The following USP53 variants were observed in gnomAD, a reference collection of about 807,000 sequenced individuals.
USP53 encodes ubiquitin carboxyl-terminal hydrolase 53.
A neutral mutation model predicts 94.9 loss-of-function variants in USP53; 71 were observed. That is an observed-to-expected ratio of 0.75 (90% CI 0.62 to 0.91). The LOEUF (loss-of-function observed/expected upper bound fraction) is 0.91, where lower values mean the gene tolerates loss of function less well. Among genes scored for constraint, USP53 ranks in the 40% least tolerant of loss-of-function variants. The pLI is 0.00. For missense variants in USP53, 1,173 were observed against 1,281.0 expected (o/e 0.92, Z 1.29); for synonymous variants, 375 against 422.7 (o/e 0.89, Z 1.39).
intron 1 of USP53, among the ~76,000 whole-genome samples, chr4:119,213,570 T>C (rs1009281796): frequency 4.0e-5 from 6 of 150,960 alleles, no homozygotes; most frequent in Non-Finnish European, 5.9e-5. Context: ...GTTTTCTTTA[T>C]CAATGCAAAG....
rs141773781 is a variant in USP53, at chr4:119,270,877, C to G, written c.1436-419C>G. Among the ~76,000 whole-genome samples the G allele has an allele frequency of 9.6e-3, 1,457 of 152,182 alleles. 28 individuals are homozygous for G. Among genetic ancestry groups the G allele is most frequent in the African/African-American group, 0.034 (1,391 of 41,508 alleles). ...AATTTTGACAGATGTGGCTCAGTTG[C>G]CCTCTTGAAAGACTGAACTAGTCTG... On this transcript the variant is annotated intron_variant, in intron 15 of 18. Transcript: ENST00000692078.
chr4:119,286,857 A>G (rs767813548), intron 17 of USP53, among the ~76,000 whole-genome samples: 1 of 152,044 alleles, frequency 6.6e-6, no homozygotes, highest in Non-Finnish European at 1.5e-5. Context: ...ATAGCTGTTG[A>G]AAAGATTGGC....
intron 17 of USP53, among the ~76,000 whole-genome samples, chr4:119,279,567 C>G (rs1488891743): frequency 1.2e-4 from 18 of 151,122 alleles, no homozygotes; most frequent in African/African-American, 4.1e-4. Context: ...TGTCTGTGCC[C>G]TGCCCCCAGA....
intron 7 of USP53, among the ~76,000 whole-genome samples, chr4:119,251,067 C>A (rs768890538): frequency 6.6e-6 from 1 of 151,636 alleles, no homozygotes; most frequent in African/African-American, 2.4e-5. Context: ...CCCCCCACCC[C>A]CCACAGGCCT....
intron 18 of USP53, among the ~76,000 whole-genome samples, chr4:119,292,109 G>T (rs1478028887): frequency 6.6e-6 from 1 of 151,676 alleles, no homozygotes; most frequent in African/African-American, 2.4e-5. Flanking sequence ...TTCTGGTAAT[G>T]ATGGGTGTTT....
Position 119,217,546 on chromosome 4 carries a change from C to T in USP53, c.-788-4C>T, listed in dbSNP as rs1743968594. On this transcript the variant is annotated splice_region_variant and splice_polypyrimidine_tract_variant and intron_variant, in intron 2 of 18. Coordinates refer to ENST00000692078, the MANE Select transcript of USP53 (RefSeq NM_001371395.1). Reference sequence around the variant, plus strand: ...ACTTAACCATGCACTGTGTTCTGTTCTAGATGCTTGGGATTTGCTTTACAT... The same window carrying T: ...ACTTAACCATGCACTGTGTTCTGTTTTAGATGCTTGGGATTTGCTTTACAT... 6.6e-6 allele frequency: 1 copy of T among 152,130 alleles called. No individual in the cohort carries two copies. The highest frequency in any genetic ancestry group is 1.5e-5 in the Non-Finnish European group (1 of 68,036). 9.4% of individuals were successfully genotyped at this position (152,130 alleles called of 1,614,324 possible).
intron 17 of USP53, among the ~76,000 whole-genome samples, chr4:119,288,659 G>A (rs758425768): frequency 2.5e-4 from 38 of 152,100 alleles, no homozygotes; most frequent in Admixed American, 3.9e-4. Flanking sequence ...GTTTGCAGCC[G>A]GGCACGGTGG....
intron 17 of USP53, among the ~76,000 whole-genome samples, chr4:119,287,301 C>T (rs1056622960): frequency 2.0e-5 from 3 of 151,946 alleles, no homozygotes; most frequent in East Asian, 1.9e-4. Context: ...ATTTATAGTT[C>T]CTCTCATTCT....
chr4:119,271,276 C>A lies in USP53; in HGVS notation c.1436-20C>A, dbSNP rs759522802. ...GCTCTGAGGAGTAATTCATGTGTAT[C>A]TTTAATTTTTTTTTTTAAGATTTGG... On this transcript the variant is annotated intron_variant, in intron 15 of 18. Transcript: ENST00000692078. 1 of 1,526,832 alleles carries A rather than the reference C, an allele frequency of 6.5e-7. No homozygotes were observed. Among genetic ancestry groups the A allele is most frequent in the Non-Finnish European group, 8.7e-7 (1 of 1,143,312 alleles). The allele number at this position is 1,526,832 out of a possible 1,614,324, so 94.6% of individuals were successfully genotyped here. A position where few individuals can be genotyped will look rare whatever the true frequency, so the allele number is the denominator to read the frequency against.
Position 119,292,724 on chromosome 4 carries a change from T to C in USP53, c.2735T>C (p.Met912Thr). 1 of 1,614,084 alleles carries C rather than the reference T, an allele frequency of 6.2e-7. No individual in the cohort carries two copies. The highest frequency in any genetic ancestry group is 8.5e-7 in the Non-Finnish European group (1 of 1,179,970). Residue 912 changes from methionine (M) to threonine (T), a missense_variant, in exon 19 of 19, where the codon ATG (methionine) becomes ACG (threonine). By Grantham distance (81) the Met-to-Thr change is moderately conservative (BLOSUM62 -1). Transcript: ENST00000692078. ...GCCAGCAGATCTGATGGGTGTCAGATGCCAAAACTTTTTTGCCAGAATCTA... is the reference window on the plus strand; with the variant it reads ...GCCAGCAGATCTGATGGGTGTCAGACGCCAAAACTTTTTTGCCAGAATCTA... The part of the protein sequence containing the change: ...RSASRSDGCQ[M>T]PKLFCQNLPP...
rs1754854002 is a variant in USP53 at position 119,292,356 on chromosome 4, C to A, written c.2367C>A (p.Asp789Glu). Residue 789 changes from aspartate (D) to glutamate (E), a missense_variant, in exon 19 of 19, where the codon GAC (aspartate) becomes GAA (glutamate). Transcript: ENST00000692078. ...HLIKRSHVHE[D>E]NGKLFPSSSL... The stretch of plus-strand genomic sequence containing the variant: ...ATTTCAGATCACATGTACATGAAGA[C>A]AATGGAAAGTTATTTCCTTCATCCA... 1.2e-6 allele frequency: 2 copies of A among 1,602,300 alleles called. No homozygotes were observed. The highest frequency in any genetic ancestry group is 1.1e-5 in the South Asian group (1 of 88,832).
At chr4:119,289,002 C>T (rs1754431585) in intron 17 of USP53, among the ~76,000 whole-genome samples, 1 of 149,066 alleles carries the variant, frequency 6.7e-6, no homozygotes, top group African/African-American at 2.5e-5. Context: ...AGTGTTGATA[C>T]ATTTCACTAA....
chr4:119,280,226 GT>G (rs74427985), intron 17 of USP53, among the ~76,000 whole-genome samples: 4,768 of 142,186 alleles, frequency 0.034, 111 homozygotes, highest in Middle Eastern at 0.066. Flanking sequence ...GTCTTTCAAT[GT>G]TTTTTTTTTT....
intron 9 of USP53, among the ~76,000 whole-genome samples, chr4:119,256,957 C>T (rs779172115): frequency 3.3e-5 from 5 of 152,096 alleles, no homozygotes; most frequent in African/African-American, 4.8e-5. Context: ...GAGCGTAATT[C>T]TCAGGTTATT....
chr4:119,247,891 A>G (rs1346557494), intron 6 of USP53, among the ~76,000 whole-genome samples: 1 of 151,968 alleles, frequency 6.6e-6, no homozygotes, highest in East Asian at 1.9e-4. Context: ...CTGTTTTTTT[A>G]TTTCTTATTT....
At chr4:119,227,796 GTTACT>G (rs1439014602) in intron 3 of USP53, among the ~76,000 whole-genome samples, 1 of 152,166 alleles carries the variant, frequency 6.6e-6, no homozygotes, top group Non-Finnish European at 1.5e-5. Flanking sequence ...AATGTGTATA[GTTACT>G]TTATTCATAA....
At chr4:119,237,557 A>AAC (rs1288499377) in intron 4 of USP53, among the ~76,000 whole-genome samples, 19 of 142,110 alleles carry the variant, frequency 1.3e-4, no homozygotes, top group Non-Finnish European at 1.1e-4. Flanking sequence ...AAATAATTAA[A>AAC]AAAAAAAAAG....
At chr4:119,266,332 T>C (rs139189601) in intron 12 of USP53, 29 of 456,254 alleles carry the variant, frequency 6.4e-5, no homozygotes, top group African/African-American at 5.2e-4. Flanking sequence ...CTGGGTTGTG[T>C]GGTAAGTGTC....
At chr4:119,264,063 CA>C (rs1306669437) in intron 12 of USP53, among the ~76,000 whole-genome samples, 18 of 151,990 alleles carry the variant, frequency 1.2e-4, no homozygotes, top group African/African-American at 4.3e-4. Flanking sequence ...GACTCCGTCT[CA>C]AAACAAACAA....
Sources: gnomAD v4.1 joint callset for allele counts (sites outside exome capture counted in the v4.1 genomes callset) on GRCh38, gnomAD v4.1.1 for gene constraint, MANE v1.5 for transcripts, NCBI Gene and HGNC (gene_info 2026-07-23, HGNC 2026-07-21) for gene names.